Variants in CAMTA1 observed in about 807,000 individuals in gnomAD.
CAMTA1 encodes calmodulin-binding transcription activator 1.
Under a neutral mutation model 170.9 loss-of-function variants are expected in CAMTA1, and 27 were observed. The observed-to-expected ratio is 0.16, with a 90% CI of 0.12 to 0.22. The LOEUF is 0.22. Among genes scored for constraint, CAMTA1 ranks in the 10% least tolerant of loss-of-function variants. CAMTA1 has a pLI of 1.00. For synonymous variants in CAMTA1, 833 were observed against 891.5 expected, an observed-to-expected ratio of 0.93 and a Z score of 1.17; for missense variants, 1,619 against 2,217.2, an observed-to-expected ratio of 0.73 and a Z score of 5.42.
At chr1:6,855,434 A>G (rs189970418) in intron 3 of CAMTA1, among the ~76,000 whole-genome samples, 2 of 151,842 alleles carry the variant, frequency 1.3e-5, no homozygotes, top group African/African-American at 4.8e-5. Context: ...AAGGGGAAGC[A>G]GGCTTGTCTT....
Position 7,664,155 on chromosome 1 carries a change from C to T in CAMTA1, c.1608C>T (p.Asp536=), listed in dbSNP as rs1331794064. 8 of 1,613,044 alleles carry T rather than the reference C, an allele frequency of 5.0e-6. No individual in the cohort carries two copies. The highest frequency in any genetic ancestry group is 6.8e-6 in the Non-Finnish European group (8 of 1,180,038). The part of the protein sequence containing the change: ...TVLTKEIKTE[D]TSFEQQMAKE... ...TCACCAAGGAGATCAAGACCGAGGACACCTCCTTCGAGCAGCAGATGGCCA... is the reference window on the plus strand; with the variant it reads ...TCACCAAGGAGATCAAGACCGAGGATACCTCCTTCGAGCAGCAGATGGCCA... The change falls in exon 9 of 23, where the codon GAC becomes GAT. Residue 536 remains aspartate (D), a synonymous_variant. Transcript: ENST00000303635.
chr1:7,704,909 G>A lies in CAMTA1; in HGVS notation c.2914+27176G>A, dbSNP rs1245360058. Among the ~76,000 whole-genome samples the A allele has an allele frequency of 4.8e-5, 7 of 145,542 alleles. No individual in the cohort carries two copies. The East Asian group carries it at 1.4e-3, about 29-fold the overall frequency. On this transcript the variant is annotated intron_variant, in intron 11 of 22. Transcript: ENST00000303635. Reference sequence around the variant, plus strand: ...AGCAGGTCCGGGTAGGTGCGCGGCGGCGCGGGGCTAGGCGGAGGGCGCGTG... The same window carrying A: ...AGCAGGTCCGGGTAGGTGCGCGGCGACGCGGGGCTAGGCGGAGGGCGCGTG...
intron 7 of CAMTA1, among the ~76,000 whole-genome samples, chr1:7,646,555 G>C (rs574440124): frequency 2.7e-5 from 4 of 149,386 alleles, no homozygotes; most frequent in East Asian, 2.0e-4. Context: ...GGAGGCTGTG[G>C]TGAGTTGGGT....
In CAMTA1 at chr1:6,855,940, A is replaced by G. The variant is rs138302884; in HGVS notation, c.234+30730A>G. Among the ~76,000 whole-genome samples, 245 of 152,280 alleles carry G rather than the reference A, an allele frequency of 1.6e-3. 1 individual carries two copies. The highest frequency in any genetic ancestry group is 2.1e-3 in the Non-Finnish European group (145 of 68,028). On this transcript the variant is annotated intron_variant, in intron 3 of 22. Coordinates refer to ENST00000303635, the MANE Select transcript of CAMTA1 (RefSeq NM_015215.4). The stretch of plus-strand genomic sequence containing the variant: ...ACTGCATGGCCAAGAAGTTGCTGGC[A>G]TGTCATACTAGTGGAACTTAATGGA...
intron 1 of CAMTA1, chr1:6,806,997 A>G: frequency 1.6e-6 from 1 of 641,406 alleles, no homozygotes; most frequent in Non-Finnish European, 2.9e-6. Flanking sequence ...AAGGAAGGAC[A>G]GACCCAGTCT....
intron 3 of CAMTA1, among the ~76,000 whole-genome samples, chr1:7,061,699 G>C (rs2101756908): frequency 6.7e-6 from 1 of 149,446 alleles, no homozygotes; most frequent in African/African-American, 2.5e-5. Context: ...TGGTGGGGTG[G>C]TGGCGGCAGA....
chr1:7,659,289 C>T (rs1001739638), intron 7 of CAMTA1, among the ~76,000 whole-genome samples: 5 of 151,864 alleles, frequency 3.3e-5, no homozygotes, highest in African/African-American at 1.2e-4. Flanking sequence ...AATCCCAGCA[C>T]TTTGGGAGGC....
intron 11 of CAMTA1, among the ~76,000 whole-genome samples, chr1:7,712,385 A>G (rs139563347): frequency 1.2e-4 from 18 of 152,144 alleles, no homozygotes; most frequent in African/African-American, 2.2e-4. Flanking sequence ...TAGTGGTGCA[A>G]TCTCGGCTCA....
rs58915216 is a variant in CAMTA1 at position 6,819,304 on chromosome 1, C to CTT, written c.46-869_46-868dup. Among the ~76,000 whole-genome samples the CTT allele has an allele frequency of 2.7e-3, 415 of 151,162 alleles. 1 individual carries two copies. The highest frequency in any genetic ancestry group is 9.4e-3 in the African/African-American group (387 of 41,180). On this transcript the variant is annotated intron_variant, in intron 1 of 22. Transcript: ENST00000303635. ...TGGCCGTCAATATTCAAAAAATTTT[C>CTT]TTTTTTTTTAAAAAGTTACCGTTGT...
intron 5 of CAMTA1, among the ~76,000 whole-genome samples, chr1:7,427,084 G>A (rs1034716717): frequency 3.9e-5 from 6 of 152,142 alleles, no homozygotes; most frequent in African/African-American, 1.4e-4. Context: ...CCATCCTCAA[G>A]GACAAGCGAG....
chr1:6,902,535 G>C (rs537585762), intron 3 of CAMTA1, among the ~76,000 whole-genome samples: 39 of 152,310 alleles, frequency 2.6e-4, no homozygotes, highest in African/African-American at 3.4e-4. Flanking sequence ...CTGTGGACTG[G>C]GTTGCTGTGG....
At chr1:7,411,938 G>A (rs1050393325) in intron 5 of CAMTA1, among the ~76,000 whole-genome samples, 8 of 134,198 alleles carry the variant, frequency 6.0e-5, no homozygotes, top group African/African-American at 2.4e-4. Context: ...TCCTCGGAGT[G>A]TGATGTTCCC....
chr1:6,864,023 G>C (rs1346956738), intron 3 of CAMTA1, among the ~76,000 whole-genome samples: 2 of 152,118 alleles, frequency 1.3e-5, no homozygotes, highest in Non-Finnish European at 2.9e-5. Flanking sequence ...CTTGGATAAT[G>C]GGTTTTGGGG....
chr1:6,989,160 C>T (rs1158742690), intron 3 of CAMTA1, among the ~76,000 whole-genome samples: 1 of 152,192 alleles, frequency 6.6e-6, no homozygotes, highest in East Asian at 1.9e-4. Context: ...CAGCCTGATG[C>T]AGGAGCCATC....
At chr1:6,975,425 C>T (rs1000217150) in intron 3 of CAMTA1, among the ~76,000 whole-genome samples, 6 of 152,158 alleles carry the variant, frequency 3.9e-5, no homozygotes, top group Non-Finnish European at 7.3e-5. Flanking sequence ...CTTGGGGATG[C>T]TCCTCTGTGC....
chr1:6,902,064 C>A (rs1557793076), intron 3 of CAMTA1, among the ~76,000 whole-genome samples: 2 of 99,180 alleles, frequency 2.0e-5, no homozygotes, highest in Admixed American at 9.6e-5. Flanking sequence ...CACACACACA[C>A]ACACACACAA....
intron 3 of CAMTA1, among the ~76,000 whole-genome samples, chr1:7,045,059 G>A (rs1020638344): frequency 2.0e-5 from 3 of 152,060 alleles, no homozygotes; most frequent in Middle Eastern, 3.2e-3. Flanking sequence ...TGAACACTGC[G>A]CAAATGAGTC....
intron 11 of CAMTA1, among the ~76,000 whole-genome samples, chr1:7,695,383 C>T (rs746178390): frequency 3.3e-5 from 5 of 152,184 alleles, no homozygotes; most frequent in Non-Finnish European, 7.3e-5. Context: ...TCCTCCCCGG[C>T]GTTCTCATTT....
rs910328636 is a variant in CAMTA1 at position 7,195,940 on chromosome 1, C to G, written c.303-53551C>G. 1.3e-5 allele frequency among the ~76,000 whole-genome samples: 2 copies of G among 152,104 alleles called. No homozygotes were observed. Among genetic ancestry groups the G allele is most frequent in the African/African-American group, 2.4e-5 (1 of 41,418 alleles). ...GGCTGAGGCAGGAGAATCACTTGAA[C>G]CAGGAGGTGGAGGTTGCAGTGAGCT... On this transcript the variant is annotated intron_variant, in intron 4 of 22. Transcript: ENST00000303635. This position sits in a 1 kb window ranked among gnomAD's most constrained non-coding sequence, Gnocchi z 4.1.
Sources: gnomAD v4.1 joint callset for allele counts (sites outside exome capture counted in the v4.1 genomes callset) on GRCh38, gnomAD v4.1.1 for gene constraint, Gnocchi (gnomAD v3.1) non-coding constraint, MANE v1.5 for transcripts, NCBI Gene and HGNC (gene_info 2026-07-23, HGNC 2026-07-21) for gene names.